Variants in GTF2H5 observed in about 807,000 individuals in gnomAD.
GTF2H5 encodes the protein TFB5 ortholog.
In GTF2H5, 5 loss-of-function variants were observed where a neutral mutation model predicts 7.1. The observed-to-expected ratio is 0.71, with a 90% confidence interval of 0.37 to 1.49. The LOEUF is 1.49. Ranked by LOEUF, GTF2H5 falls within the 40% of genes most tolerant of loss-of-function variation. The pLI is 0.03. For missense variants in GTF2H5, 80 were observed against 83.0 expected (o/e 0.96, Z 0.14); for synonymous variants, 30 against 31.7 (o/e 0.95, Z 0.18).
At chr6:158,190,857 G>A in intron 2 of GTF2H5, 7 of 479,254 alleles carry the variant, frequency 1.5e-5, no homozygotes, top group South Asian at 3.1e-5. Flanking sequence ...AACACATTGT[G>A]TATTAGATCT....
intron 2 of GTF2H5, among the ~76,000 whole-genome samples, chr6:158,189,836 A>G (rs1776991901): frequency 6.6e-6 from 1 of 152,172 alleles, no homozygotes; most frequent in Admixed American, 6.5e-5. Flanking sequence ...TGACTCCACC[A>G]AAACTGCTAT....
intron 2 of GTF2H5, among the ~76,000 whole-genome samples, chr6:158,172,587 T>G (rs1181670966): frequency 1.1e-4 from 17 of 152,160 alleles, no homozygotes; most frequent in Admixed American, 9.2e-4. Context: ...CATGAGCCAC[T>G]GCACCCAGCC....
At chr6:158,178,969 A>T (rs1430043703) in intron 2 of GTF2H5, among the ~76,000 whole-genome samples, 2 of 152,050 alleles carry the variant, frequency 1.3e-5, no homozygotes, top group African/African-American at 4.8e-5. Flanking sequence ...TAGGATTTTT[A>T]TGGTCCTAGG....
chr6:158,172,671 T>G (rs1785874102), intron 2 of GTF2H5, among the ~76,000 whole-genome samples: 1 of 152,162 alleles, frequency 6.6e-6, no homozygotes, highest in Non-Finnish European at 1.5e-5. Context: ...ATTATTTCCT[T>G]TCTTAATGAT....
intron 2 of GTF2H5, among the ~76,000 whole-genome samples, chr6:158,182,015 G>C (rs1174484257): frequency 6.6e-6 from 1 of 152,182 alleles, no homozygotes; most frequent in African/African-American, 2.4e-5. Flanking sequence ...GCTGGTACCG[G>C]TTGTTCCTTT....
intron 2 of GTF2H5, among the ~76,000 whole-genome samples, chr6:158,175,044 G>GTGTATATGTGTGTGTGTGTGTGTGTA: frequency 1.4e-5 from 2 of 142,792 alleles, no homozygotes; most frequent in African/African-American, 5.3e-5. Flanking sequence ...GTGTGTGTGT[G>GTGTATATGTGTGTGTGTGTGTGTGTA]TATACACACA....
At chr6:158,169,637 A>ATATAATGTGTATTATAT (rs1491296928) in intron 1 of GTF2H5, among the ~76,000 whole-genome samples, 1 of 49,420 alleles carries the variant, frequency 2.0e-5, no homozygotes, top group African/African-American at 1.1e-4. Context: ...ATTGTATATT[A>ATATAATGTGTATTATAT]CATATATTGT....
In GTF2H5 at chr6:158,177,455, A is replaced by G. The variant is rs554890240; in HGVS notation, c.35+6917A>G. ...GTAAGAACTCTGCGGCTGACCCCCA[A>G]AAAAGCTGATGGGGACTTTTTGATT... On this transcript the variant is annotated intron_variant, in intron 2 of 2. Coordinates refer to ENST00000607778, the MANE Select transcript of GTF2H5 (RefSeq NM_207118.3). 3.3e-5 allele frequency among the ~76,000 whole-genome samples: 5 copies of G among 152,324 alleles called. No individual in the cohort carries two copies. In the South Asian group the frequency reaches 8.3e-4, roughly 25 times the overall value.
intron 1 of GTF2H5, among the ~76,000 whole-genome samples, chr6:158,169,693 T>TATTATATATAATATATTG (rs1483686884): frequency 2.3e-4 from 15 of 66,146 alleles, no homozygotes; most frequent in African/African-American, 1.1e-3. Context: ...ATAATATATA[T>TATTATATATAATATATTG]TATATAATAT....
chr6:158,169,128 G>A (rs1022693151), intron 1 of GTF2H5, among the ~76,000 whole-genome samples: 6 of 150,348 alleles, frequency 4.0e-5, no homozygotes, highest in African/African-American at 1.2e-4. Flanking sequence ...CCGCTGCTTG[G>A]GAGGCTGAGG....
chr6:158,181,914 A>G (rs538701598), intron 2 of GTF2H5, among the ~76,000 whole-genome samples: 6 of 152,300 alleles, frequency 3.9e-5, no homozygotes, highest in African/African-American at 1.4e-4. Flanking sequence ...TGATCCTGTC[A>G]TTATGAGGCT....
rs187114746 is a variant in GTF2H5 at position 158,169,580 on chromosome 6, T to C, written c.-34-890T>C. On this transcript the variant is annotated intron_variant, in intron 1 of 2. Transcript: ENST00000607778. ...ATTATATATAATATATTGTATATTA[T>C]ATATAATATATTGTATATTACATAT... Among the ~76,000 whole-genome samples the C allele has an allele frequency of 3.0e-3, 143 of 47,954 alleles. 6 individuals carry two copies. The highest frequency in any genetic ancestry group is 8.2e-3 in the African/African-American group (86 of 10,488). The allele number at this position is 47,954 out of a possible 152,430, so 31.5% of individuals were successfully genotyped here.
At chr6:158,173,700 C>T (rs1051837134) in intron 2 of GTF2H5, among the ~76,000 whole-genome samples, 4 of 146,220 alleles carry the variant, frequency 2.7e-5, no homozygotes, top group Non-Finnish European at 5.9e-5. Context: ...TGGCTTCATG[C>T]AGGAAAGAAT....
chr6:158,184,152 A>C (rs1321381860), intron 2 of GTF2H5, among the ~76,000 whole-genome samples: 1 of 151,894 alleles, frequency 6.6e-6, no homozygotes, highest in Non-Finnish European at 1.5e-5. Flanking sequence ...AAGAATGGCT[A>C]TTTTCTTTGT....
At chr6:158,179,330 C>T (rs188460475) in intron 2 of GTF2H5, among the ~76,000 whole-genome samples, 1 of 152,264 alleles carries the variant, frequency 6.6e-6, no homozygotes, top group East Asian at 1.9e-4. Context: ...GCTATGTGGG[C>T]TCTTTTTTGG....
chr6:158,190,440 C>T (rs575708565), intron 2 of GTF2H5, among the ~76,000 whole-genome samples: 1 of 152,308 alleles, frequency 6.6e-6, no homozygotes, highest in Non-Finnish European at 1.5e-5. Flanking sequence ...CATCTCTTGC[C>T]TGGATGTCAC....
intron 1 of GTF2H5, among the ~76,000 whole-genome samples, chr6:158,169,719 T>TAATATATTGTATATTATATATTA (rs1554267159): frequency 1.8e-5 from 1 of 54,300 alleles, no homozygotes; most frequent in African/African-American, 1.2e-4. Flanking sequence ...ATATTATATA[T>TAATATATTGTATATTATATATTA]TATATAATAT....
chr6:158,169,707 GTATATTA>G lies in GTF2H5; in HGVS notation c.-34-751_-34-745del, dbSNP rs375784451. Among the ~76,000 whole-genome samples, 53 of 43,580 alleles carry G rather than the reference GTATATTA, an allele frequency of 1.2e-3. 5 individuals are homozygous for G. The highest frequency in any genetic ancestry group is 2.8e-3 in the East Asian group (4 of 1,406). 28.6% of individuals were successfully genotyped at this position (43,580 alleles called of 152,430 possible). Reference sequence around the variant, plus strand: ...TATAATATATATTATATAATATATTGTATATTATATATTATATAATATATTGTATATT... The same window carrying G: ...TATAATATATATTATATAATATATTGTATATTATATAATATATTGTATATT... On this transcript the variant is annotated intron_variant, in intron 1 of 2. Transcript: ENST00000607778.
intron 2 of GTF2H5, among the ~76,000 whole-genome samples, chr6:158,179,242 A>G (rs1166729454): frequency 6.6e-6 from 1 of 152,176 alleles, no homozygotes; most frequent in Admixed American, 6.5e-5. Flanking sequence ...TGTTTTGGTT[A>G]CTGTAGCCTT....
Sources: allele counts gnomAD v4.1 joint callset (sites outside exome capture counted in the v4.1 genomes callset), GRCh38; gene constraint gnomAD v4.1.1; transcripts MANE v1.5; gene names NCBI Gene and HGNC (gene_info 2026-07-23, HGNC 2026-07-21).